Variants in PKIA observed in about 807,000 individuals in gnomAD.
The protein encoded by PKIA is PKI-alpha.
PKIA carries 4 observed loss-of-function variants against 7.6 expected under a neutral mutation model. The observed-to-expected ratio is 0.52, with a 90% CI of 0.26 to 1.20. The LOEUF (loss-of-function observed/expected upper bound fraction) is 1.20, where lower values mean the gene tolerates loss of function less well. Among genes scored for constraint, PKIA ranks in the 50% most tolerant of loss-of-function variants. The pLI, the probability that PKIA is intolerant of heterozygous loss-of-function variation, is 0.13. For missense variants in PKIA, 73 were observed against 86.2 expected, an observed-to-expected ratio of 0.85 and a Z score of 0.61; for synonymous variants, 21 against 30.7, an observed-to-expected ratio of 0.68 and a Z score of 1.04.
chr8:78,529,438 C>T (rs1426547426), intron 1 of PKIA, among the ~76,000 whole-genome samples: 1 of 152,112 alleles, frequency 6.6e-6, no homozygotes, highest in South Asian at 2.1e-4. Flanking sequence ...TTTATATCTA[C>T]CACTTCACTT....
chr8:78,566,288 T>G (rs886421160), intron 1 of PKIA, among the ~76,000 whole-genome samples: 7 of 152,096 alleles, frequency 4.6e-5, no homozygotes, highest in Non-Finnish European at 1.0e-4. Context: ...ATAGTCTAAT[T>G]TATGAAACAT....
intron 1 of PKIA, among the ~76,000 whole-genome samples, chr8:78,563,904 T>C (rs1807341565): frequency 6.6e-6 from 1 of 152,084 alleles, no homozygotes; most frequent in Non-Finnish European, 1.5e-5. Flanking sequence ...AAGGAGTAGG[T>C]CGGCTGTGGA....
intron 1 of PKIA, among the ~76,000 whole-genome samples, chr8:78,569,327 A>G (rs941330178): frequency 1.3e-5 from 2 of 152,162 alleles, no homozygotes; most frequent in African/African-American, 2.4e-5. Flanking sequence ...GAAGGCAACA[A>G]CATGGTATGA....
At chr8:78,551,558 A>G (rs1806983491) in intron 1 of PKIA, among the ~76,000 whole-genome samples, 1 of 152,082 alleles carries the variant, frequency 6.6e-6, no homozygotes, top group Non-Finnish European at 1.5e-5. Flanking sequence ...AACTTTACAT[A>G]TTAGATGACA....
Position 78,524,169 on chromosome 8 carries a change from TAAAC to T in PKIA, c.-157+7703_-157+7706del, listed in dbSNP as rs1195862807. On this transcript the variant is annotated intron_variant, in intron 1 of 3. Transcript: ENST00000396418. ...TTATATTTATATATAAATATATGTA[TAAAC>T]ATTTATATTTATATATAAACATTTA... 5.1e-4 allele frequency among the ~76,000 whole-genome samples: 71 copies of T among 139,934 alleles called. No homozygotes were observed. The East Asian group carries it at 0.013, about 25-fold the overall frequency. 91.8% of individuals were successfully genotyped at this position (139,934 alleles called of 152,430 possible).
intron 1 of PKIA, among the ~76,000 whole-genome samples, chr8:78,536,455 G>C (rs966594881): frequency 2.0e-5 from 3 of 152,000 alleles, no homozygotes; most frequent in African/African-American, 4.8e-5. Context: ...TTCTTTGAAA[G>C]AAAAAGAAGA....
chr8:78,541,880 GA>G (rs1806701792), intron 1 of PKIA, among the ~76,000 whole-genome samples: 1 of 149,662 alleles, frequency 6.7e-6, no homozygotes, highest in Non-Finnish European at 1.5e-5. Flanking sequence ...AAGAGTATAA[GA>G]GGCAGGGGCT....
rs188206060 is a variant in PKIA at position 78,526,913 on chromosome 8, T to C, written c.-157+10445T>C. Among the ~76,000 whole-genome samples, 783 of 152,162 alleles carry C rather than the reference T, an allele frequency of 5.1e-3. 10 individuals are homozygous for C. Among genetic ancestry groups the C allele is most frequent in the African/African-American group, 0.018 (753 of 41,558 alleles). On this transcript the variant is annotated intron_variant, in intron 1 of 3. Coordinates refer to ENST00000396418, the MANE Select transcript of PKIA (RefSeq NM_006823.4). ...GGCTTGAAAAGCACACAATTTTACA[T>C]TTTATTTTTCTTATATGGATTTCTG...
chr8:78,602,306 A>G lies in PKIA; in HGVS notation c.*485A>G, dbSNP rs1563597241. 1 of 163,806 alleles carries G rather than the reference A, an allele frequency of 6.1e-6. No individual in the cohort carries two copies. The highest frequency in any genetic ancestry group is 1.3e-5 in the Non-Finnish European group (1 of 75,948). 10.1% of individuals were successfully genotyped at this position (163,806 alleles called of 1,614,324 possible). A position where few individuals can be genotyped will look rare whatever the true frequency, so the allele number is the denominator to read the frequency against. ...TCTGTGTGTTACTGCTGTGTTATTT[A>G]CACTGTTTTGTATTGTACAATATAT... On this transcript the variant is annotated 3_prime_UTR_variant, in exon 4 of 4. Coordinates refer to ENST00000396418, the MANE Select transcript of PKIA (RefSeq NM_006823.4).
intron 2 of PKIA, among the ~76,000 whole-genome samples, chr8:78,580,723 AGATT>A (rs1807784611): frequency 6.6e-6 from 1 of 152,012 alleles, no homozygotes; most frequent in Non-Finnish European, 1.5e-5. Context: ...AAATACAGGG[AGATT>A]GATCTAATAA....
At chr8:78,571,586 C>T (rs1432631482) in intron 1 of PKIA, among the ~76,000 whole-genome samples, 1 of 152,110 alleles carries the variant, frequency 6.6e-6, no homozygotes, top group Non-Finnish European at 1.5e-5. Flanking sequence ...TTCAGGGTTC[C>T]ACAGGACTCC....
intron 2 of PKIA, among the ~76,000 whole-genome samples, chr8:78,585,728 G>A (rs547884161): frequency 1.4e-3 from 216 of 152,130 alleles, no homozygotes; most frequent in Non-Finnish European, 2.2e-3. Context: ...GCACTTTTTC[G>A]ATTGGAGTAG....
At chr8:78,584,937 G>C (rs1404054374) in intron 2 of PKIA, among the ~76,000 whole-genome samples, 5 of 151,838 alleles carry the variant, frequency 3.3e-5, no homozygotes, top group Non-Finnish European at 7.4e-5. Context: ...AATATTCCTG[G>C]TAATGGAATA....
In PKIA at chr8:78,602,717, T is replaced by C. The variant is rs193061239; in HGVS notation, c.*896T>C. On this transcript the variant is annotated 3_prime_UTR_variant, in exon 4 of 4. Coordinates refer to ENST00000396418, the MANE Select transcript of PKIA (RefSeq NM_006823.4). ...ATAATATATATATATATATATATTT[T>C]AATTTATGAGAATTTTGGACAATTG... 7.7e-6 allele frequency: 1 copy of C among 129,046 alleles called. No individual in the cohort carries two copies. Among genetic ancestry groups the C allele is most frequent in the East Asian group, 1.9e-4 (1 of 5,132 alleles). 8.0% of individuals were successfully genotyped at this position (129,046 alleles called of 1,614,324 possible).
chr8:78,536,980 TACA>T (rs1806543322), intron 1 of PKIA, among the ~76,000 whole-genome samples: 8 of 151,760 alleles, frequency 5.3e-5, no homozygotes, highest in Admixed American at 5.3e-4. Flanking sequence ...CTTCTGAGTC[TACA>T]ACTTTACCTT....
At chr8:78,547,140 C>T (rs1010016919) in intron 1 of PKIA, among the ~76,000 whole-genome samples, 2 of 151,908 alleles carry the variant, frequency 1.3e-5, no homozygotes, top group African/African-American at 4.8e-5. Flanking sequence ...ATTGGAGTCT[C>T]GCTCTGTCGC....
chr8:78,525,922 T>C lies in PKIA; in HGVS notation c.-157+9454T>C, dbSNP rs1310263377. 8.0e-5 allele frequency among the ~76,000 whole-genome samples: 12 copies of C among 150,480 alleles called. No individual in the cohort carries two copies. In the Admixed American group the frequency reaches 8.0e-4, roughly 10 times the overall value. Reference sequence around the variant, plus strand: ...ACTAGCTGTGTGATTTATACGTTACTCAACCTCTGTGAGTTGTTTCCTGAT... The same window carrying C: ...ACTAGCTGTGTGATTTATACGTTACCCAACCTCTGTGAGTTGTTTCCTGAT... On this transcript the variant is annotated intron_variant, in intron 1 of 3. Transcript: ENST00000396418.
intron 1 of PKIA, among the ~76,000 whole-genome samples, chr8:78,517,093 G>A (rs922255227): frequency 2.6e-5 from 4 of 151,998 alleles, no homozygotes; most frequent in Non-Finnish European, 1.5e-5. Flanking sequence ...GATCTTTTTC[G>A]GAGATGCTGT....
At chr8:78,575,265 TTC>T (rs1807645607) in intron 2 of PKIA, among the ~76,000 whole-genome samples, 1 of 147,830 alleles carries the variant, frequency 6.8e-6, no homozygotes, top group Admixed American at 6.8e-5. Context: ...TTTTCTCTGG[TTC>T]TTTTTTTGTC....
Sources: allele counts gnomAD v4.1 joint callset (sites outside exome capture counted in the v4.1 genomes callset), GRCh38; gene constraint gnomAD v4.1.1; transcripts MANE v1.5; gene names NCBI Gene and HGNC (gene_info 2026-07-23, HGNC 2026-07-21).